The following RCAN2 variants were observed in gnomAD, a reference collection of about 807,000 sequenced individuals.
The protein encoded by RCAN2 is calcipressin-2.
RCAN2 carries 9 observed loss-of-function variants against 23.6 expected under a neutral mutation model. That is an observed-to-expected ratio of 0.38 (90% CI 0.23 to 0.67). The LOEUF (loss-of-function observed/expected upper bound fraction) is 0.67, where lower values mean the gene tolerates loss of function less well. Ranked by LOEUF, RCAN2 falls within the 30% of genes least tolerant of loss-of-function variation. The probability of loss-of-function intolerance (pLI) is 0.51; values close to 1 mark genes in which losing one functional copy is unlikely to be tolerated. For synonymous variants in RCAN2, 109 were observed against 115.7 expected (o/e 0.94, Z 0.37); for missense variants, 273 against 302.3 (o/e 0.90, Z 0.72).
chr6:46,445,701 C>T (rs1025897499), intron 2 of RCAN2, among the ~76,000 whole-genome samples: 3 of 151,822 alleles, frequency 2.0e-5, no homozygotes, highest in African/African-American at 4.8e-5. Flanking sequence ...AATTAAAGAA[C>T]AATAAGCAAC....
intron 2 of RCAN2, among the ~76,000 whole-genome samples, chr6:46,423,215 A>T (rs1387129838): frequency 6.6e-6 from 1 of 152,188 alleles, no homozygotes; most frequent in East Asian, 1.9e-4. Context: ...AAGGACTCTT[A>T]AGATAATTTG....
At chr6:46,384,367 A>T (rs1765687846) in intron 2 of RCAN2, among the ~76,000 whole-genome samples, 1 of 152,218 alleles carries the variant, frequency 6.6e-6, no homozygotes, top group Non-Finnish European at 1.5e-5. Flanking sequence ...ATCACATTTC[A>T]AAACAAGGAT....
chr6:46,414,625 G>C (rs1766650148), intron 2 of RCAN2, among the ~76,000 whole-genome samples: 1 of 152,116 alleles, frequency 6.6e-6, no homozygotes, highest in African/African-American at 2.4e-5. Context: ...TCAGTTGAAG[G>C]CCTTAATAGA....
At chr6:46,384,840 G>C (rs1765701070) in intron 2 of RCAN2, among the ~76,000 whole-genome samples, 1 of 152,184 alleles carries the variant, frequency 6.6e-6, no homozygotes, top group Non-Finnish European at 1.5e-5. Flanking sequence ...ATGGCGAAAG[G>C]AGTGTGAGGC....
At chr6:46,377,142 T>C (rs991998688) in intron 2 of RCAN2, among the ~76,000 whole-genome samples, 15 of 152,124 alleles carry the variant, frequency 9.9e-5, no homozygotes, top group Admixed American at 2.0e-4. Flanking sequence ...GCCGGGGTGG[T>C]GGAATGGACA....
chr6:46,314,463 T>C (rs1763367333), intron 2 of RCAN2, among the ~76,000 whole-genome samples: 1 of 150,910 alleles, frequency 6.6e-6, no homozygotes, highest in Non-Finnish European at 1.5e-5. Flanking sequence ...TGTAGGTGTA[T>C]ATGGCCGAAT....
intron 2 of RCAN2, among the ~76,000 whole-genome samples, chr6:46,384,414 C>T (rs571201367): frequency 1.1e-4 from 16 of 152,276 alleles, no homozygotes; most frequent in Middle Eastern, 6.8e-3. Context: ...AATATCTTTC[C>T]GGACAAAAAG....
intron 2 of RCAN2, among the ~76,000 whole-genome samples, chr6:46,292,198 G>A (rs762041027): frequency 2.6e-5 from 4 of 152,124 alleles, no homozygotes; most frequent in Non-Finnish European, 4.4e-5. Context: ...CTACCTAGAG[G>A]GAAGGGTGTG....
intron 2 of RCAN2, among the ~76,000 whole-genome samples, chr6:46,290,225 A>G (rs896248105): frequency 2.6e-5 from 4 of 152,338 alleles, no homozygotes; most frequent in Admixed American, 6.5e-5. Context: ...ACAGGATTTT[A>G]TCCATTTGGT....
rs1765563704 is a variant in RCAN2, at chr6:46,223,919, G to C, written c.572-618C>G. On this transcript the variant is annotated intron_variant, in intron 4 of 4. Coordinates refer to ENST00000371374, the MANE Select transcript of RCAN2 (RefSeq NM_001251974.2). ...ATGGCTGTTAGCTGACTGGCTTTCT[G>C]TCTTTCTGTTGCTTCATTAGATGTT... Among the ~76,000 whole-genome samples the C allele has an allele frequency of 2.6e-5, 4 of 152,258 alleles. No individual in the cohort carries two copies. The South Asian group carries it at 8.3e-4, about 32-fold the overall frequency.
intron 2 of RCAN2, among the ~76,000 whole-genome samples, chr6:46,252,318 A>G (rs1169241733): frequency 1.3e-5 from 2 of 152,210 alleles, no homozygotes; most frequent in Admixed American, 6.5e-5. Flanking sequence ...CAGGGACACA[A>G]TAATATTTTG....
At chr6:46,470,586 G>A (rs1373842840) in intron 1 of RCAN2, among the ~76,000 whole-genome samples, 3 of 152,136 alleles carry the variant, frequency 2.0e-5, no homozygotes, top group Non-Finnish European at 4.4e-5. Context: ...ATACAAAAAT[G>A]TTCACTAAAT....
rs529159299 is a variant in RCAN2, at chr6:46,275,923, T to C, written c.226-27027A>G. Among the ~76,000 whole-genome samples, 17 of 152,272 alleles carry C rather than the reference T, an allele frequency of 1.1e-4. No individual in the cohort carries two copies. In the South Asian group the frequency reaches 1.7e-3, roughly 15 times the overall value. On this transcript the variant is annotated intron_variant, in intron 2 of 4. Coordinates refer to ENST00000371374, the MANE Select transcript of RCAN2 (RefSeq NM_001251974.2). ...GGTTCTTTTCCCAAATGAAGAATAT[T>C]TGGGCTAGGCGTGGTGGCTCACACC...
chr6:46,447,018 A>C (rs1767733062), intron 2 of RCAN2, among the ~76,000 whole-genome samples: 1 of 152,090 alleles, frequency 6.6e-6, no homozygotes, highest in East Asian at 1.9e-4. Flanking sequence ...AAATGGATTC[A>C]ATTTTCCAAT....
At chr6:46,313,292 C>G (rs1322150526) in intron 2 of RCAN2, among the ~76,000 whole-genome samples, 1 of 152,156 alleles carries the variant, frequency 6.6e-6, no homozygotes, top group Admixed American at 6.5e-5. Flanking sequence ...TACTTATTTA[C>G]TACCTGTACT....
intron 2 of RCAN2, among the ~76,000 whole-genome samples, chr6:46,337,467 A>G (rs6458500): frequency 0.42 from 64,182 of 152,104 alleles, 14,984 homozygotes; most frequent in East Asian, 0.6. Flanking sequence ...AGTATTTGAT[A>G]AGCCTTACTC....
intron 2 of RCAN2, among the ~76,000 whole-genome samples, chr6:46,273,192 T>A (rs1479196235): frequency 3.3e-5 from 5 of 152,218 alleles, no homozygotes; most frequent in Non-Finnish European, 5.9e-5. Context: ...GTGCCCTTCC[T>A]GATGGACCAA....
At chr6:46,482,038 C>G (rs1340982786) in intron 1 of RCAN2, among the ~76,000 whole-genome samples, 3 of 151,884 alleles carry the variant, frequency 2.0e-5, no homozygotes, top group Non-Finnish European at 4.4e-5. Context: ...AAAGGACTGG[C>G]TGATCCAAAA....
intron 2 of RCAN2, among the ~76,000 whole-genome samples, chr6:46,361,823 T>C (rs1450554601): frequency 6.6e-6 from 1 of 152,214 alleles, no homozygotes; most frequent in Non-Finnish European, 1.5e-5. Context: ...TGAGATATTG[T>C]TGATACCTAA....
Sources: allele counts gnomAD v4.1 joint callset (sites outside exome capture counted in the v4.1 genomes callset), GRCh38; gene constraint gnomAD v4.1.1; transcripts MANE v1.5; gene names NCBI Gene and HGNC (gene_info 2026-07-23, HGNC 2026-07-21).